GPR176: variants seen among roughly 807,000 people sequenced by gnomAD.
GPR176 encodes G-protein coupled receptor 176.
In GPR176, 26 loss-of-function variants were observed where a neutral mutation model predicts 35.4. The ratio of observed to expected loss-of-function variants is 0.74; its 90% CI spans 0.54 to 1.02. The LOEUF is 1.02. Among genes scored for constraint, GPR176 ranks in the 50% least tolerant of loss-of-function variants. The probability of loss-of-function intolerance (pLI) is 0.00; values close to 1 mark genes in which losing one functional copy is unlikely to be tolerated. For missense variants in GPR176, 597 were observed against 665.3 expected (o/e 0.90, Z 1.13); for synonymous variants, 278 against 271.3 (o/e 1.02, Z -0.24).
intron 1 of GPR176, among the ~76,000 whole-genome samples, chr15:39,842,635 A>C (rs539343619): frequency 6.6e-6 from 1 of 152,252 alleles, no homozygotes; most frequent in South Asian, 2.1e-4. Flanking sequence ...AGACACAGTG[A>C]AAAGACATTC....
At chr15:39,901,290 A>AT (rs1281874621) in intron 1 of GPR176, among the ~76,000 whole-genome samples, 3 of 152,226 alleles carry the variant, frequency 2.0e-5, no homozygotes. Flanking sequence ...ATGGAATGAT[A>AT]TGGAAATGGT....
In GPR176 at chr15:39,802,224, C is replaced by T. The variant is rs1898930112; in HGVS notation, c.456G>A (p.Arg152=). 2 of 1,612,626 alleles carry T rather than the reference C, an allele frequency of 1.2e-6. No individual in the cohort carries two copies. The highest frequency in any genetic ancestry group is 1.7e-6 in the Non-Finnish European group (2 of 1,179,182). Residue 152 remains arginine, a synonymous_variant, in exon 3 of 3, where the codon AGG becomes AGA. Coordinates refer to ENST00000561100, the MANE Select transcript of GPR176 (RefSeq NM_007223.3). ...RYYSVLYPLE[R]KISDAKSREL... ...CACGGGACTTGGCATCAGATATTTTCCTCTCCAGTGGATAGAGGACTGAGT... is the reference window on the plus strand; with the variant it reads ...CACGGGACTTGGCATCAGATATTTTTCTCTCCAGTGGATAGAGGACTGAGT...
chr15:39,907,757 T>C (rs2033464305), intron 1 of GPR176, among the ~76,000 whole-genome samples: 1 of 152,212 alleles, frequency 6.6e-6, no homozygotes, highest in African/African-American at 2.4e-5. Flanking sequence ...AGATTTTTTT[T>C]CTTGCCACTA....
chr15:39,858,324 A>C (rs890820140), intron 1 of GPR176, among the ~76,000 whole-genome samples: 1 of 152,240 alleles, frequency 6.6e-6, no homozygotes, highest in Non-Finnish European at 1.5e-5. Flanking sequence ...TTTAGTCCTG[A>C]ATTTGTGGAA....
chr15:39,860,192 G>C (rs1375595172), intron 1 of GPR176, among the ~76,000 whole-genome samples: 1 of 152,210 alleles, frequency 6.6e-6, no homozygotes, highest in African/African-American at 2.4e-5. Flanking sequence ...TAGTGGATGA[G>C]AGGATGGGCA....
intron 1 of GPR176, among the ~76,000 whole-genome samples, chr15:39,829,742 C>G (rs927482649): frequency 3.3e-5 from 5 of 152,106 alleles, no homozygotes; most frequent in African/African-American, 1.2e-4. Context: ...CCTGTCTCTC[C>G]TTTCCAAGCT....
At chr15:39,855,003 A>G (rs2031116878) in intron 1 of GPR176, among the ~76,000 whole-genome samples, 1 of 151,318 alleles carries the variant, frequency 6.6e-6, no homozygotes, top group Admixed American at 6.6e-5. Context: ...GTCAGCTATG[A>G]TCATGCCCCT....
intron 1 of GPR176, among the ~76,000 whole-genome samples, chr15:39,874,257 C>T (rs1168769902): frequency 6.6e-6 from 1 of 152,150 alleles, no homozygotes; most frequent in Non-Finnish European, 1.5e-5. Flanking sequence ...AGTAACTCCC[C>T]AAGAGTTGAC....
chr15:39,885,742 T>C (rs1029455003), intron 1 of GPR176, among the ~76,000 whole-genome samples: 1 of 152,232 alleles, frequency 6.6e-6, no homozygotes, highest in East Asian at 1.9e-4. Flanking sequence ...GATTGCTGAT[T>C]CCATTTGCTT....
intron 1 of GPR176, among the ~76,000 whole-genome samples, chr15:39,885,242 C>T (rs2032629057): frequency 6.6e-6 from 1 of 152,180 alleles, no homozygotes; most frequent in Non-Finnish European, 1.5e-5. Context: ...CCTCAGCAAC[C>T]TCTGAGGGAA....
intron 2 of GPR176, among the ~76,000 whole-genome samples, chr15:39,805,540 G>A (rs1899135775): frequency 6.6e-6 from 1 of 151,948 alleles, no homozygotes; most frequent in Non-Finnish European, 1.5e-5. Flanking sequence ...AGCTGCAACT[G>A]CTGAGCGGCT....
intron 1 of GPR176, among the ~76,000 whole-genome samples, chr15:39,877,552 T>A (rs1197892778): frequency 4.3e-3 from 1 of 234 alleles, no homozygotes; most frequent in Non-Finnish European, 0.011. Flanking sequence ...TTCTTCTTCT[T>A]TTTTTTTTTT....
At chr15:39,827,629 ATT>A (rs1289319128) in intron 1 of GPR176, among the ~76,000 whole-genome samples, 1 of 152,148 alleles carries the variant, frequency 6.6e-6, no homozygotes, top group Non-Finnish European at 1.5e-5. Flanking sequence ...TTAGAATTTT[ATT>A]TTTATTTTAC....
intron 1 of GPR176, among the ~76,000 whole-genome samples, chr15:39,910,388 G>C (rs1382443864): frequency 6.6e-6 from 1 of 152,052 alleles, no homozygotes. Context: ...AGTAGTTTAA[G>C]ACCAGCCTGA....
chr15:39,857,645 G>A (rs1248135988), intron 1 of GPR176, among the ~76,000 whole-genome samples: 1 of 151,918 alleles, frequency 6.6e-6, no homozygotes, highest in East Asian at 1.9e-4. Context: ...ACACAAGCCT[G>A]GGTGACAAGG....
At chr15:39,829,814 C>A (rs1391581457) in intron 1 of GPR176, among the ~76,000 whole-genome samples, 1 of 152,076 alleles carries the variant, frequency 6.6e-6, no homozygotes, top group African/African-American at 2.4e-5. Context: ...GGCATGAGTA[C>A]AACAGTTTTT....
chr15:39,849,210 C>A (rs569647527), intron 1 of GPR176, among the ~76,000 whole-genome samples: 138 of 152,062 alleles, frequency 9.1e-4, no homozygotes, highest in Non-Finnish European at 1.6e-3. Context: ...TTGACTATTC[C>A]TTAAAAACAT....
At chr15:39,823,326 AT>A (rs1253587784) in intron 1 of GPR176, among the ~76,000 whole-genome samples, 1 of 152,068 alleles carries the variant, frequency 6.6e-6, no homozygotes, top group East Asian at 1.9e-4. Flanking sequence ...CAACCTAAGC[AT>A]TTGACCTTTC....
chr15:39,875,311 T>G (rs2140842611), intron 1 of GPR176, among the ~76,000 whole-genome samples: 1 of 152,350 alleles, frequency 6.6e-6, no homozygotes, highest in Admixed American at 6.5e-5. Flanking sequence ...ATGTCTTAGA[T>G]TATCATGACA....
Sources: allele counts gnomAD v4.1 joint callset (sites outside exome capture counted in the v4.1 genomes callset), GRCh38; gene constraint gnomAD v4.1.1; transcripts MANE v1.5; gene names NCBI Gene and HGNC (gene_info 2026-07-23, HGNC 2026-07-21).